Variants in MAN1A1 observed in about 807,000 individuals in gnomAD.
MAN1A1 encodes the protein mannosidase alpha class 1A member 1.
A neutral mutation model predicts 70.8 loss-of-function variants in MAN1A1; 29 were observed. The ratio of observed to expected loss-of-function variants is 0.41; its 90% CI spans 0.31 to 0.56. The LOEUF is 0.56. Ranked by LOEUF, MAN1A1 falls within the 20% of genes least tolerant of loss-of-function variation. The pLI is 0.29. For synonymous variants in MAN1A1, 349 were observed against 330.1 expected (o/e 1.06, Z -0.62); for missense variants, 747 against 841.3 (o/e 0.89, Z 1.39).
intron 5 of MAN1A1, among the ~76,000 whole-genome samples, chr6:119,270,401 C>G (rs1775887405): frequency 1.3e-5 from 2 of 151,916 alleles, no homozygotes; most frequent in Non-Finnish European, 2.9e-5. Context: ...TACAATTCAC[C>G]CATTTAAAGT....
intron 11 of MAN1A1, among the ~76,000 whole-genome samples, chr6:119,183,624 G>A (rs953890297): frequency 2.0e-5 from 3 of 152,162 alleles, no homozygotes; most frequent in African/African-American, 4.8e-5. Flanking sequence ...GGCCAGCCAT[G>A]ATAAACAGCC....
Position 119,203,616 on chromosome 6 carries a change from A to G in MAN1A1, c.1116+1143T>C, listed in dbSNP as rs536642400. 2.4e-4 allele frequency among the ~76,000 whole-genome samples: 37 copies of G among 152,202 alleles called. No individual in the cohort carries two copies. The South Asian group carries it at 6.6e-3, about 27-fold the overall frequency. On this transcript the variant is annotated intron_variant, in intron 7 of 12. Coordinates refer to ENST00000368468, the MANE Select transcript of MAN1A1 (RefSeq NM_005907.4). ...GTGACCTGATGGATCCCAGATCAGG[A>G]CAGCAGTAGAGGCAGTGAGACACCC...
chr6:119,311,596 A>G (rs1294883653), intron 2 of MAN1A1, among the ~76,000 whole-genome samples: 2 of 152,166 alleles, frequency 1.3e-5, no homozygotes, highest in African/African-American at 4.8e-5. Context: ...TTAACACACA[A>G]CAAGCTTTAA....
chr6:119,332,076 G>C, intron 2 of MAN1A1: 1 of 412,044 alleles, frequency 2.4e-6, no homozygotes, highest in South Asian at 1.8e-5. Context: ...GTTGTTCTGA[G>C]AATTTAATGA....
chr6:119,347,033 T>TC (rs1244154096), intron 2 of MAN1A1, among the ~76,000 whole-genome samples: 8 of 152,166 alleles, frequency 5.3e-5, no homozygotes. Context: ...TAGAATCCAT[T>TC]CCCCCAAGTA....
intron 2 of MAN1A1, among the ~76,000 whole-genome samples, chr6:119,322,534 T>C (rs551923840): frequency 6.6e-6 from 1 of 152,298 alleles, no homozygotes; most frequent in African/African-American, 2.4e-5. Context: ...AAAATGCCAC[T>C]ATGTACACCG....
chr6:119,205,048 G>C (rs1295378471), intron 6 of MAN1A1, among the ~76,000 whole-genome samples, 166 bp from the exon 7 acceptor site: 1 of 152,170 alleles, frequency 6.6e-6, no homozygotes, highest in Non-Finnish European at 1.5e-5. Context: ...ACCAGTTTTA[G>C]GGTTTGTCTC....
chr6:119,212,512 C>A (rs916840812), intron 6 of MAN1A1, among the ~76,000 whole-genome samples: 1 of 152,104 alleles, frequency 6.6e-6, no homozygotes, highest in South Asian at 2.1e-4. Context: ...TGCCCGTTAC[C>A]GTGCCATCCA....
chr6:119,265,586 C>T (rs1252707132), intron 5 of MAN1A1, among the ~76,000 whole-genome samples: 3 of 152,112 alleles, frequency 2.0e-5, no homozygotes, highest in Non-Finnish European at 4.4e-5. Context: ...ACAGCCTAAA[C>T]TTCCTCTACC....
At chr6:119,253,667 G>C (rs1055273881) in intron 5 of MAN1A1, among the ~76,000 whole-genome samples, 7 of 152,142 alleles carry the variant, frequency 4.6e-5, no homozygotes, top group African/African-American at 1.2e-4. Context: ...TGATTGTAAT[G>C]GTTCCTATTT....
intron 8 of MAN1A1, among the ~76,000 whole-genome samples, chr6:119,200,305 G>C (rs1341859587): frequency 6.6e-6 from 1 of 152,276 alleles, no homozygotes; most frequent in African/African-American, 2.4e-5. Flanking sequence ...GACTTCCAGT[G>C]ATCTGTTGAC....
At chr6:119,292,550 T>A (rs1207376312) in intron 4 of MAN1A1, among the ~76,000 whole-genome samples, 3 of 151,784 alleles carry the variant, frequency 2.0e-5, no homozygotes, top group Non-Finnish European at 4.4e-5. Flanking sequence ...AAAAAGGAGG[T>A]ATGTATTAAT....
intron 4 of MAN1A1, among the ~76,000 whole-genome samples, chr6:119,295,840 C>T (rs1772201636): frequency 6.6e-6 from 1 of 152,096 alleles, no homozygotes. Context: ...CCACTACATA[C>T]CAATGCAATA....
intron 4 of MAN1A1, among the ~76,000 whole-genome samples, chr6:119,300,261 G>GT (rs34460585): frequency 0.017 from 2,365 of 142,862 alleles, 42 homozygotes; most frequent in Admixed American, 0.025. Context: ...TTTTGTTTTT[G>GT]TTTTTTTTTT....
At chr6:119,203,114 A>C (rs1238174070) in intron 7 of MAN1A1, among the ~76,000 whole-genome samples, 2 of 152,182 alleles carry the variant, frequency 1.3e-5, no homozygotes, top group Non-Finnish European at 2.9e-5. Context: ...CCTCATGGGC[A>C]GTTTGATCTT....
intron 6 of MAN1A1, among the ~76,000 whole-genome samples, chr6:119,219,121 C>T (rs1441950272): frequency 6.6e-6 from 1 of 152,154 alleles, no homozygotes; most frequent in Non-Finnish European, 1.5e-5. Flanking sequence ...TTACTGTATT[C>T]TGAAGTTAAT....
chr6:119,244,672 T>A (rs1775119093), intron 6 of MAN1A1, among the ~76,000 whole-genome samples: 2 of 152,104 alleles, frequency 1.3e-5, no homozygotes, highest in African/African-American at 4.8e-5. Flanking sequence ...TGATGTTTTG[T>A]CTCCAAATAC....
chr6:119,315,861 T>C (rs1213719396), intron 2 of MAN1A1, among the ~76,000 whole-genome samples: 1 of 152,228 alleles, frequency 6.6e-6, no homozygotes, highest in Non-Finnish European at 1.5e-5. Flanking sequence ...TTGATGACTA[T>C]GGTCTCCAGG....
At chr6:119,350,200 G>C (rs920896858), upstream of MAN1A1, among the ~76,000 whole-genome samples, 1 of 152,208 alleles carries the variant, frequency 6.6e-6, no homozygotes, top group Non-Finnish European at 1.5e-5. Flanking sequence ...CTCCCGAGGG[G>C]GTCCCGGGAA....
Sources: gnomAD v4.1 joint callset for allele counts (sites outside exome capture counted in the v4.1 genomes callset) on GRCh38, gnomAD v4.1.1 for gene constraint, MANE v1.5 for transcripts, NCBI Gene and HGNC (gene_info 2026-07-23, HGNC 2026-07-21) for gene names.